The following EMC3 variants were observed in gnomAD, a reference collection of about 807,000 sequenced individuals.
The protein encoded by EMC3 is ER membrane protein complex subunit 3, also known as 30 kDa protein.
A neutral mutation model predicts 36.6 loss-of-function variants in EMC3; 13 were observed. The ratio of observed to expected loss-of-function variants is 0.35; its 90% CI spans 0.23 to 0.56. The LOEUF (loss-of-function observed/expected upper bound fraction) is 0.56. Ranked by LOEUF, EMC3 falls within the 20% of genes least tolerant of loss-of-function variation. The probability of loss-of-function intolerance (pLI) is 0.84; values close to 1 mark genes in which losing one functional copy is unlikely to be tolerated. For missense variants in EMC3, 220 were observed against 324.5 expected (o/e 0.68, Z 2.47); for synonymous variants, 120 against 111.9 (o/e 1.07, Z -0.46).
chr3:9,977,410 A>C lies in EMC3; in HGVS notation c.192T>G (p.Asn64Lys). ...GTACCTGTTTGGGAATGTATTTTCCATTTTCCCTGAGGACTCTGCTTCGAA... is the reference window on the plus strand; with the variant it reads ...GTACCTGTTTGGGAATGTATTTTCCCTTTTCCCTGAGGACTCTGCTTCGAA... ...VLIRSRVLRE[N>K]GKYIPKQSFL... Residue 64 changes from asparagine (N) to lysine (K), a missense_variant, in exon 2 of 8, where the codon AAT (asparagine) becomes AAG (lysine). Transcript: ENST00000245046. The C allele has an allele frequency of 6.2e-7, 1 of 1,612,852 alleles. No individual in the cohort carries two copies. Among genetic ancestry groups the C allele is most frequent in the South Asian group, 1.1e-5 (1 of 90,738 alleles).
chr3:9,979,404 C>A (rs1391922065), intron 1 of EMC3, among the ~76,000 whole-genome samples: 1 of 152,210 alleles, frequency 6.6e-6, no homozygotes, highest in African/African-American at 2.4e-5. Context: ...AGCACTGGGT[C>A]TAGAGTAATG....
chr3:10,008,003 C>T (rs1242869689), intron 1 of EMC3, among the ~76,000 whole-genome samples: 1 of 152,160 alleles, frequency 6.6e-6, no homozygotes, highest in Non-Finnish European at 1.5e-5. Flanking sequence ...CCCCAGTGAG[C>T]TGCTGTCCTT....
chr3:9,969,546 C>T, intron 7 of EMC3, 173 bp downstream of exon 7: 1 of 1,498,002 alleles, frequency 6.7e-7, no homozygotes, highest in South Asian at 1.3e-5. Context: ...TTTCCATTTA[C>T]TTAATAGATG....
At position 9,986,742 on chromosome 3, in the gene EMC3, T is replaced by A; in HGVS notation, c.-81A>T. 1 of 1,576,358 alleles carries A rather than the reference T, an allele frequency of 6.3e-7. No individual in the cohort carries two copies. The highest frequency in any genetic ancestry group is 8.6e-7 in the Non-Finnish European group (1 of 1,161,598). The stretch of plus-strand genomic sequence containing the variant: ...ACAGTTGCTTCTCTTCGGCTTCGCC[T>A]CCGGGCCTTCTCAAGCCCCTTTGCC... On this transcript the variant is annotated 5_prime_UTR_variant, in exon 1 of 8. Coordinates refer to ENST00000245046, the MANE Select transcript of EMC3 (RefSeq NM_001394674.1).
intron 1 of EMC3, among the ~76,000 whole-genome samples, chr3:10,001,887 T>G (rs534368791): frequency 2.0e-5 from 3 of 151,914 alleles, no homozygotes; most frequent in Non-Finnish European, 4.4e-5. Context: ...TAGTCCCGGC[T>G]ACTCAGGAGG....
intron 1 of EMC3, among the ~76,000 whole-genome samples, chr3:9,999,457 T>A (rs2086171040): frequency 6.6e-6 from 1 of 152,166 alleles, no homozygotes; most frequent in African/African-American, 2.4e-5. Context: ...GCCAGGATGG[T>A]CTTGATCTCT....
At chr3:9,997,781 AT>A (rs1485751806) in intron 1 of EMC3, among the ~76,000 whole-genome samples, 1 of 151,614 alleles carries the variant, frequency 6.6e-6, no homozygotes. Context: ...TTTATACCAC[AT>A]TTTTTTTATC....
In EMC3 at chr3:9,986,692, T is replaced by G. The variant is rs1341065142; in HGVS notation, c.-31A>C. 6.2e-7 allele frequency: 1 copy of G among 1,611,704 alleles called. No individual in the cohort carries two copies. Among genetic ancestry groups the G allele is most frequent in the East Asian group, 2.2e-5 (1 of 44,828 alleles). Reference sequence around the variant, plus strand: ...CTGAAAGCTGGTTCCCAGTCTGGAATGGGCGAGCTTCTCTTCTCCGGGGCA... The same window carrying G: ...CTGAAAGCTGGTTCCCAGTCTGGAAGGGGCGAGCTTCTCTTCTCCGGGGCA... On this transcript the variant is annotated 5_prime_UTR_variant, in exon 1 of 8. Transcript: ENST00000245046.
In EMC3 at chr3:9,972,685, G is replaced by A. The variant is rs181750606; in HGVS notation, c.494+943C>T. ...CTCGGGAGGCTGAGGCAGGAGAATCGCTTGAACCTAGGAGGTGGAGGTTGC... is the reference window on the plus strand; with the variant it reads ...CTCGGGAGGCTGAGGCAGGAGAATCACTTGAACCTAGGAGGTGGAGGTTGC... On this transcript the variant is annotated intron_variant, in intron 5 of 7. Coordinates refer to ENST00000245046, the MANE Select transcript of EMC3 (RefSeq NM_001394674.1). Among the ~76,000 whole-genome samples the A allele has an allele frequency of 1.3e-4, 19 of 151,508 alleles. No homozygotes were observed. The South Asian group carries it at 3.6e-3, about 28-fold the overall frequency.
chr3:9,964,232 G>T (rs747752847), intron 7 of EMC3, 35 bp from the exon 8 acceptor site: 1 of 1,609,720 alleles, frequency 6.2e-7, no homozygotes, highest in African/African-American at 1.3e-5. Context: ...CAGGAAGAGA[G>T]GGAATTGTTA....
chr3:9,970,480 G>T, intron 6 of EMC3, 102 bp downstream of exon 6: 3 of 1,273,406 alleles, frequency 2.4e-6, no homozygotes, highest in Non-Finnish European at 2.3e-6. Flanking sequence ...CATTTTATTT[G>T]ACTATGGTAA....
intron 1 of EMC3, among the ~76,000 whole-genome samples, chr3:9,982,099 C>T (rs930344353): frequency 4.0e-5 from 6 of 150,636 alleles, no homozygotes; most frequent in Admixed American, 1.3e-4. Flanking sequence ...TACAGGCGTG[C>T]ACCACCACCC....
chr3:9,990,550 C>T (rs1472004002), upstream of EMC3, among the ~76,000 whole-genome samples: 1 of 151,758 alleles, frequency 6.6e-6, no homozygotes, highest in Non-Finnish European at 1.5e-5. Context: ...CGCTCTTTTG[C>T]CTAGGCTATA....
In EMC3 at chr3:9,977,360, G is replaced by C. The variant is rs373010613; in HGVS notation, c.213+29C>G. On this transcript the variant is annotated intron_variant, in intron 2 of 7. Coordinates refer to ENST00000245046, the MANE Select transcript of EMC3 (RefSeq NM_001394674.1). ...ATCTACTGCCCAACAGTGAATCGTG[G>C]AGCTTTTTAATAAAAGATAAATGAG... 3.2e-4 allele frequency: 508 copies of C among 1,596,064 alleles called. 1 individual carries two copies. The highest frequency in any genetic ancestry group is 3.0e-4 in the Non-Finnish European group (356 of 1,169,582).
At chr3:9,976,852 C>T in intron 3 of EMC3, 105 bp downstream of exon 3, 1 of 762,676 alleles carries the variant, frequency 1.3e-6, no homozygotes, top group African/African-American at 1.7e-5. Context: ...CTATCTTTTG[C>T]AATTTAACAT....
chr3:10,004,965 G>A (rs2086248245), intron 1 of EMC3: 1 of 152,336 alleles, frequency 6.6e-6, no homozygotes, highest in African/African-American at 2.4e-5. Flanking sequence ...CCATGGAGCA[G>A]GGATCACCCT....
chr3:9,995,985 A>C (rs533361172), intron 1 of EMC3, among the ~76,000 whole-genome samples: 8 of 152,146 alleles, frequency 5.3e-5, no homozygotes, highest in African/African-American at 1.4e-4. Flanking sequence ...AGGCACTGAT[A>C]CATTAGATCC....
chr3:9,996,142 G>C (rs1446889953), intron 1 of EMC3, among the ~76,000 whole-genome samples: 1 of 152,130 alleles, frequency 6.6e-6, no homozygotes, highest in East Asian at 1.9e-4. Flanking sequence ...CTTCACGTGG[G>C]CTTGCTTTTG....
chr3:9,980,058 G>A (rs1488854547), intron 1 of EMC3, among the ~76,000 whole-genome samples: 1 of 146,838 alleles, frequency 6.8e-6, no homozygotes. Context: ...CTGTCTCCCA[G>A]GCTGAACTGC....
Sources: gnomAD v4.1 joint callset for allele counts (sites outside exome capture counted in the v4.1 genomes callset) on GRCh38, gnomAD v4.1.1 for gene constraint, MANE v1.5 for transcripts, NCBI Gene and HGNC (gene_info 2026-07-23, HGNC 2026-07-21) for gene names.